Variants in VEGFC observed in about 807,000 individuals in gnomAD.
The protein encoded by VEGFC is FLT4 ligand DHM.
Under a neutral mutation model 46.1 loss-of-function variants are expected in VEGFC, and 12 were observed. The ratio of observed to expected loss-of-function variants is 0.26; its 90% confidence interval spans 0.17 to 0.42. The LOEUF (loss-of-function observed/expected upper bound fraction) is 0.42. Ranked by LOEUF, VEGFC falls within the 10% of genes least tolerant of loss-of-function variation. The pLI is 1.00. For missense variants in VEGFC, 488 were observed against 529.4 expected, an observed-to-expected ratio of 0.92 and a Z score of 0.77; for synonymous variants, 232 against 195.5, an observed-to-expected ratio of 1.19 and a Z score of -1.56.
At chr4:176,769,057 G>A (rs1168879384) in intron 1 of VEGFC, among the ~76,000 whole-genome samples, 1 of 151,832 alleles carries the variant, frequency 6.6e-6, no homozygotes, top group African/African-American at 2.4e-5. Flanking sequence ...GAATAAATTG[G>A]TACCCTTATA....
chr4:176,749,473 CTTTA>C (rs1735306684), intron 1 of VEGFC, among the ~76,000 whole-genome samples: 1 of 151,546 alleles, frequency 6.6e-6, no homozygotes, highest in Non-Finnish European at 1.5e-5. Flanking sequence ...AAAATGTGTA[CTTTA>C]TTTACCCATA....
At chr4:176,762,716 C>A (rs1319998) in intron 1 of VEGFC, among the ~76,000 whole-genome samples, 125,613 of 152,150 alleles carry the variant, frequency 0.83, 53,423 homozygotes, top group East Asian at 1. Context: ...ATATAAAGAT[C>A]TATTAAGAAG....
chr4:176,729,749 GT>G lies in VEGFC; in HGVS notation c.148-4del. On this transcript the variant is annotated splice_polypyrimidine_tract_variant and splice_region_variant and intron_variant, in intron 1 of 6. Coordinates refer to ENST00000618562, the MANE Select transcript of VEGFC (RefSeq NM_005429.5). Reference sequence around the variant, plus strand: ...TCCAGATCTTTGCTTGCATAAGCCTGTCAAAGAAAAATGCAAGATCAATGAC... The same window carrying G: ...TCCAGATCTTTGCTTGCATAAGCCTGCAAAGAAAAATGCAAGATCAATGAC... The G allele has an allele frequency of 6.4e-7, 1 of 1,561,664 alleles. No individual in the cohort carries two copies. Among genetic ancestry groups the G allele is most frequent in the Non-Finnish European group, 8.7e-7 (1 of 1,155,214 alleles).
chr4:176,731,580 T>C (rs960981962), intron 1 of VEGFC, among the ~76,000 whole-genome samples: 3 of 151,740 alleles, frequency 2.0e-5, no homozygotes, highest in Admixed American at 6.6e-5. Flanking sequence ...TGAATAGCCC[T>C]AGAAGAAAAG....
chr4:176,711,661 G>A lies in VEGFC; in HGVS notation c.553-11C>T. On this transcript the variant is annotated splice_polypyrimidine_tract_variant and intron_variant, in intron 3 of 6. Coordinates refer to ENST00000618562, the MANE Select transcript of VEGFC (RefSeq NM_005429.5). ...TGTAATTTCAAATAACTACAAAGAA[G>A]GGACAAAAAGAAGAAAAAATTATAT... The A allele has an allele frequency of 6.2e-7, 1 of 1,609,384 alleles. No homozygotes were observed. Among genetic ancestry groups the A allele is most frequent in the Non-Finnish European group, 8.5e-7 (1 of 1,178,426 alleles).
In VEGFC at chr4:176,792,066, G is replaced by A; in HGVS notation, c.147+99C>T. 7.3e-7 allele frequency: 1 copy of A among 1,372,552 alleles called. No individual in the cohort carries two copies. Among genetic ancestry groups the A allele is most frequent in the Non-Finnish European group, 9.5e-7 (1 of 1,055,902 alleles). The allele number at this position is 1,372,552 out of a possible 1,614,324, so 85.0% of individuals were successfully genotyped here. ...GTAACTTTGGATCCCACGTACACAAGCTTAAAGCACACACACTTTCCCCCG... is the reference window on the plus strand; with the variant it reads ...GTAACTTTGGATCCCACGTACACAAACTTAAAGCACACACACTTTCCCCCG... On this transcript the variant is annotated intron_variant, in intron 1 of 6. Transcript: ENST00000618562. This position sits in a 1 kb window ranked among gnomAD's most constrained non-coding sequence, Gnocchi z 6.3.
intron 4 of VEGFC, among the ~76,000 whole-genome samples, chr4:176,688,961 G>A (rs1171194621): frequency 1.3e-5 from 2 of 152,100 alleles, no homozygotes; most frequent in Non-Finnish European, 2.9e-5. Context: ...CTTTTCAGGG[G>A]GCAGAGCTAG....
chr4:176,735,446 C>G lies in VEGFC; in HGVS notation c.148-5700G>C, dbSNP rs532808130. Reference sequence around the variant, plus strand: ...TCGGTCTTTGAACCGATAAGTTTCACTATTCACACATAAAACAGGAAAGAA... The same window carrying G: ...TCGGTCTTTGAACCGATAAGTTTCAGTATTCACACATAAAACAGGAAAGAA... On this transcript the variant is annotated intron_variant, in intron 1 of 6. Coordinates refer to ENST00000618562, the MANE Select transcript of VEGFC (RefSeq NM_005429.5). Among the ~76,000 whole-genome samples the G allele has an allele frequency of 1.3e-4, 19 of 151,974 alleles. No homozygotes were observed. The East Asian group carries it at 2.1e-3, about 17-fold the overall frequency.
chr4:176,741,605 TA>T (rs574108993), intron 1 of VEGFC, among the ~76,000 whole-genome samples: 1 of 151,846 alleles, frequency 6.6e-6, no homozygotes, highest in African/African-American at 2.4e-5. Context: ...CTATGGATAA[TA>T]AAAAAAGATA....
intron 4 of VEGFC, among the ~76,000 whole-genome samples, chr4:176,688,850 T>C (rs1199706784): frequency 6.6e-6 from 1 of 152,194 alleles, no homozygotes; most frequent in Non-Finnish European, 1.5e-5. Flanking sequence ...ATCAGCCATT[T>C]CTTCAGGAGC....
chr4:176,787,516 G>A (rs1329129429), intron 1 of VEGFC, among the ~76,000 whole-genome samples: 4 of 149,848 alleles, frequency 2.7e-5, no homozygotes, highest in African/African-American at 9.8e-5. Context: ...TTTCAAAATT[G>A]GAAAAAAAAC....
intron 3 of VEGFC, among the ~76,000 whole-genome samples, chr4:176,716,790 T>A (rs1315598016): frequency 6.6e-6 from 1 of 152,070 alleles, no homozygotes; most frequent in African/African-American, 2.4e-5. Flanking sequence ...TAACTAGAAT[T>A]TCCTCTCAAA....
rs1560951478 is a variant in VEGFC at position 176,740,066 on chromosome 4, TAA to T, written c.148-10322_148-10321del. On this transcript the variant is annotated intron_variant, in intron 1 of 6. Coordinates refer to ENST00000618562, the MANE Select transcript of VEGFC (RefSeq NM_005429.5). ...AACTATTCGATATATAGAATATATATAACTATATATTATATATTCTATATATT... is the reference window on the plus strand; with the variant it reads ...AACTATTCGATATATAGAATATATATCTATATATTATATATTCTATATATT... Among the ~76,000 whole-genome samples the T allele has an allele frequency of 3.2e-4, 38 of 118,192 alleles. 2 individuals carry two copies. Among genetic ancestry groups the T allele is most frequent in the African/African-American group, 1.2e-3 (38 of 31,926 alleles). 77.5% of individuals were successfully genotyped at this position (118,192 alleles called of 152,430 possible).
chr4:176,697,303 C>T (rs1208285902), intron 4 of VEGFC, among the ~76,000 whole-genome samples: 1 of 149,156 alleles, frequency 6.7e-6, no homozygotes, highest in Non-Finnish European at 1.5e-5. Flanking sequence ...AAACAAACAA[C>T]CCCATCAAAA....
rs150960484 is a variant in VEGFC at position 176,750,836 on chromosome 4, G to A, written c.148-21090C>T. Among the ~76,000 whole-genome samples the A allele has an allele frequency of 4.1e-3, 620 of 151,608 alleles. 12 individuals are homozygous for A. The highest frequency in any genetic ancestry group is 0.014 in the African/African-American group (582 of 41,448). On this transcript the variant is annotated intron_variant, in intron 1 of 6. Transcript: ENST00000618562. ...TTACCATGATGTTACAATAGAAATC[G>A]TTAATTAATAGATACTGCAAAAACT...
intron 4 of VEGFC, among the ~76,000 whole-genome samples, chr4:176,691,196 G>C (rs545412987): frequency 6.6e-6 from 1 of 152,128 alleles, no homozygotes; most frequent in East Asian, 1.9e-4. Context: ...GATGGATAGA[G>C]GTTTAGTAAA....
intron 4 of VEGFC, among the ~76,000 whole-genome samples, chr4:176,700,745 A>G (rs1734415802): frequency 6.6e-6 from 1 of 152,232 alleles, no homozygotes; most frequent in East Asian, 1.9e-4. Flanking sequence ...TGGATTTATC[A>G]GCTTGTCACA....
chr4:176,723,827 T>C (rs1304329076), intron 3 of VEGFC, among the ~76,000 whole-genome samples: 2 of 150,538 alleles, frequency 1.3e-5, no homozygotes, highest in Non-Finnish European at 3.0e-5. Flanking sequence ...AACTTTTATT[T>C]TAGGTTTGGG....
chr4:176,760,370 T>C (rs1735508221), intron 1 of VEGFC, among the ~76,000 whole-genome samples: 1 of 152,198 alleles, frequency 6.6e-6, no homozygotes, highest in Non-Finnish European at 1.5e-5. Context: ...AATAGGCTTT[T>C]CCCTAATAGC....
Sources: allele counts gnomAD v4.1 joint callset (sites outside exome capture counted in the v4.1 genomes callset), GRCh38; gene constraint gnomAD v4.1.1; non-coding constraint Gnocchi (gnomAD v3.1); transcripts MANE v1.5; gene names NCBI Gene and HGNC (gene_info 2026-07-23, HGNC 2026-07-21).